The following MTFMT variants were observed in gnomAD, a reference collection of about 807,000 sequenced individuals.
MTFMT encodes the protein mitochondrial methionyl-tRNA formyltransferase, also known as methionyl-tRNA formyltransferase, mitochondrial.
Under a neutral mutation model 51.8 loss-of-function variants are expected in MTFMT, and 47 were observed. The observed-to-expected ratio is 0.91, with a 90% confidence interval of 0.72 to 1.16. The LOEUF is 1.16. Among genes scored for constraint, MTFMT ranks in the 50% most tolerant of loss-of-function variants. MTFMT has a pLI of 0.00. For synonymous variants in MTFMT, 196 were observed against 176.7 expected (o/e 1.11, Z -0.87); for missense variants, 512 against 482.3 (o/e 1.06, Z -0.58).
chr15:65,003,058 C>T lies in MTFMT; in HGVS notation c.*4G>A. The stretch of plus-strand genomic sequence containing the variant: ...TAATAGGTTTTTATCCATCTTCTTC[C>T]TAACTACTCAATGCATTGTTGCATA... On this transcript the variant is annotated 3_prime_UTR_variant, in exon 9 of 9. Coordinates refer to ENST00000220058, the MANE Select transcript of MTFMT (RefSeq NM_139242.4). The T allele has an allele frequency of 6.7e-7, 1 of 1,498,690 alleles. No homozygotes were observed. Among genetic ancestry groups the T allele is most frequent in the Non-Finnish European group, 8.9e-7 (1 of 1,117,872 alleles). 92.8% of individuals were successfully genotyped at this position (1,498,690 alleles called of 1,614,324 possible).
At chr15:65,016,186 T>C (rs2086320607) in intron 6 of MTFMT, 2 of 225,096 alleles carry the variant, frequency 8.9e-6, no homozygotes, top group Non-Finnish European at 1.7e-5. Context: ...TAGTAAAACT[T>C]GGTTATGTGA....
intron 1 of MTFMT, chr15:65,029,160 G>GGTCTGCGCCCCTCACTCCCC: frequency 1.6e-6 from 1 of 625,184 alleles, no homozygotes; most frequent in Non-Finnish European, 2.0e-6. Flanking sequence ...TGGGTGGCAG[G>GGTCTGCGCCCCTCACTCCCC]GCGCCTGGAG....
chr15:65,026,460 T>A, intron 2 of MTFMT: 1 of 263,252 alleles, frequency 3.8e-6, no homozygotes, highest in Non-Finnish European at 7.7e-6. Context: ...TGTCTATACC[T>A]GTGACTGGAG....
intron 3 of MTFMT, among the ~76,000 whole-genome samples, chr15:65,022,590 T>C (rs538371044): frequency 1.4e-4 from 21 of 152,342 alleles, no homozygotes; most frequent in African/African-American, 4.3e-4. Flanking sequence ...TTTTTGTTTT[T>C]GTTAATTCTA....
At position 65,023,951 on chromosome 15, in the gene MTFMT, G is replaced by A. The variant is rs558020906; in HGVS notation, c.420-157C>T. 3.9e-5 allele frequency among the ~76,000 whole-genome samples: 6 copies of A among 152,262 alleles called. No homozygotes were observed. In the East Asian group the frequency reaches 1.2e-3, roughly 29 times the overall value. ...TCTCGTATCACCTGAAAGGAAAAAA[G>A]TTACATGTAAATTCACTCTCTTACC... On this transcript the variant is annotated intron_variant, in intron 2 of 8. Coordinates refer to ENST00000220058, the MANE Select transcript of MTFMT (RefSeq NM_139242.4).
Position 65,026,774 on chromosome 15 carries a change from G to C in MTFMT, c.419+57C>G. Reference sequence around the variant, plus strand: ...TCAAATTATCACATTTTATATACAAGGTCCATTTATAAAGACCAAGGTTTC... The same window carrying C: ...TCAAATTATCACATTTTATATACAACGTCCATTTATAAAGACCAAGGTTTC... On this transcript the variant is annotated intron_variant, in intron 2 of 8. Transcript: ENST00000220058. 2 of 1,285,596 alleles carry C rather than the reference G, an allele frequency of 1.6e-6. 1 individual carries two copies. The highest frequency in any genetic ancestry group is 2.2e-6 in the Non-Finnish European group (2 of 913,456). 79.6% of individuals were successfully genotyped at this position (1,285,596 alleles called of 1,614,324 possible). A position where few individuals can be genotyped will look rare whatever the true frequency, so the allele number is the denominator to read the frequency against.
intron 2 of MTFMT, chr15:65,026,619 A>G (rs2086426552): frequency 3.7e-6 from 2 of 547,636 alleles, no homozygotes; most frequent in Admixed American, 6.5e-5. Flanking sequence ...GGTTTAAACA[A>G]TATAAACTAC....
At position 65,021,516 on chromosome 15, in the gene MTFMT, T is replaced by C. The variant is rs1314124929; in HGVS notation, c.643A>G (p.Met215Val). 1 of 1,607,544 alleles carries C rather than the reference T, an allele frequency of 6.2e-7. No homozygotes were observed. The highest frequency in any genetic ancestry group is 8.5e-7 in the Non-Finnish European group (1 of 1,174,580). Residue 215 changes from methionine (M) to valine (V), a missense_variant and splice_region_variant, in exon 4 of 9, where the codon ATG becomes GTG. By Grantham distance (21) the Met-to-Val change is conservative. Coordinates refer to ENST00000220058, the MANE Select transcript of MTFMT (RefSeq NM_139242.4). ...EAVLSRLGANMLISVLKNLPE... is the reference protein window; with the variant it reads ...EAVLSRLGANVLISVLKNLPE... ...AGTAGGATATTGGGGAATTATACCA[T>C]GTTGGCACCCAGTCTTGACAACACT...
chr15:65,007,643 G>C (rs977335241), intron 6 of MTFMT, among the ~76,000 whole-genome samples: 1 of 152,142 alleles, frequency 6.6e-6, no homozygotes, highest in African/African-American at 2.4e-5. Flanking sequence ...AAACTGCCTG[G>C]ATAAGTGAGA....
chr15:65,006,532 A>G (rs1054791541), intron 6 of MTFMT, among the ~76,000 whole-genome samples: 1 of 152,012 alleles, frequency 6.6e-6, no homozygotes, highest in African/African-American at 2.4e-5. Context: ...GCCTGCAACC[A>G]TGCCCGGCTA....
chr15:65,025,330 G>C (rs1310258929), intron 2 of MTFMT, among the ~76,000 whole-genome samples: 1 of 151,804 alleles, frequency 6.6e-6, no homozygotes, highest in East Asian at 1.9e-4. Flanking sequence ...CCTTGAGTCT[G>C]GGGCTGCAGT....
chr15:65,024,719 G>A (rs2086407316), intron 2 of MTFMT, among the ~76,000 whole-genome samples: 1 of 152,062 alleles, frequency 6.6e-6, no homozygotes, highest in African/African-American at 2.4e-5. Context: ...CCCTCAGAGA[G>A]TTTATGTACA....
intron 1 of MTFMT, chr15:65,029,107 C>G (rs1430826602): frequency 4.4e-6 from 1 of 229,012 alleles, no homozygotes; most frequent in East Asian, 1.8e-4. Context: ...GGGACTGGCC[C>G]GGGGGATGCA....
chr15:65,014,951 TTGC>T (rs1239708031), intron 6 of MTFMT, among the ~76,000 whole-genome samples: 5 of 150,724 alleles, frequency 3.3e-5, no homozygotes, highest in African/African-American at 1.2e-4. Flanking sequence ...TTTTTTTTTT[TTGC>T]TTACTTGTTG....
In MTFMT at chr15:65,006,136, T is replaced by C. The variant is rs1179897414; in HGVS notation, c.869A>G (p.Glu290Gly). ...ACCAGCAAGGACTGAACTGTTAACT[T>C]CTACCAAATCCAGAAGTTTAATGGT... ...ANTIKLLDLV[E>G]VNSSVLADPK... Residue 290 changes from glutamate to glycine, a missense_variant, in exon 7 of 9, where the codon GAA becomes GGA. Coordinates refer to ENST00000220058, the MANE Select transcript of MTFMT (RefSeq NM_139242.4). 6.2e-7 allele frequency: 1 copy of C among 1,612,818 alleles called. No homozygotes were observed. Among genetic ancestry groups the C allele is most frequent in the Non-Finnish European group, 8.5e-7 (1 of 1,179,272 alleles).
intron 3 of MTFMT, among the ~76,000 whole-genome samples, chr15:65,023,416 A>T (rs1314547136): frequency 6.6e-6 from 1 of 152,234 alleles, no homozygotes; most frequent in African/African-American, 2.4e-5. Context: ...TAGAAATCCG[A>T]GTATTAATAA....
intron 4 of MTFMT, among the ~76,000 whole-genome samples, chr15:65,020,862 C>G (rs1338016381): frequency 6.6e-6 from 1 of 152,152 alleles, no homozygotes; most frequent in Non-Finnish European, 1.5e-5. Context: ...TTGTAGAACA[C>G]AAGCCAATGT....
At chr15:65,022,704 G>T (rs1019141714) in intron 3 of MTFMT, among the ~76,000 whole-genome samples, 1 of 136,682 alleles carries the variant, frequency 7.3e-6, no homozygotes, top group Admixed American at 7.5e-5. Flanking sequence ...ACATCATTCA[G>T]ATTTTTTTTT....
intron 6 of MTFMT, among the ~76,000 whole-genome samples, chr15:65,012,275 T>G (rs548575667): frequency 6.6e-6 from 1 of 151,512 alleles, no homozygotes; most frequent in Non-Finnish European, 1.5e-5. Flanking sequence ...ACCTGCACAT[T>G]GTGCACATGT....
Sources: gnomAD v4.1 joint callset for allele counts (sites outside exome capture counted in the v4.1 genomes callset) on GRCh38, gnomAD v4.1.1 for gene constraint, MANE v1.5 for transcripts, NCBI Gene and HGNC (gene_info 2026-07-23, HGNC 2026-07-21) for gene names.